TTLL1: variants seen among roughly 807,000 people sequenced by gnomAD.
TTLL1 encodes TTL family tubulin polyglutamylase complex subunit L1, also known as polyglutamylase complex subunit TTLL1.
In TTLL1, 33 loss-of-function variants were observed where a neutral mutation model predicts 47.8. The ratio of observed to expected loss-of-function variants is 0.69; its 90% CI spans 0.52 to 0.92. The LOEUF (loss-of-function observed/expected upper bound fraction) is 0.92, where lower values mean the gene tolerates loss of function less well. Among genes scored for constraint, TTLL1 ranks in the 40% least tolerant of loss-of-function variants. TTLL1 has a pLI of 0.00. For synonymous variants in TTLL1, 225 were observed against 214.1 expected, an observed-to-expected ratio of 1.05 and a Z score of -0.45; for missense variants, 488 against 547.5, an observed-to-expected ratio of 0.89 and a Z score of 1.08.
chr22:43,069,889 T>C (rs1332671684), intron 3 of TTLL1, 45 bp from the exon 4 acceptor site: 7 of 1,607,172 alleles, frequency 4.4e-6, no homozygotes, highest in Non-Finnish European at 2.5e-6. Flanking sequence ...GATGTCTGTG[T>C]GGCAGAAGTC....
chr22:43,069,166 G>T (rs1927938126), intron 4 of TTLL1, among the ~76,000 whole-genome samples: 1 of 149,002 alleles, frequency 6.7e-6, no homozygotes, highest in Non-Finnish European at 1.5e-5. Context: ...CACAAGGTCA[G>T]GAGTTCGAGA....
intron 9 of TTLL1, among the ~76,000 whole-genome samples, chr22:43,046,907 G>A (rs778346689): frequency 6.6e-6 from 1 of 152,050 alleles, no homozygotes; most frequent in East Asian, 1.9e-4. Context: ...CTGACCTCAG[G>A]TGATCCTCCC....
chr22:43,043,269 C>T (rs976944166), intron 10 of TTLL1, among the ~76,000 whole-genome samples: 6 of 152,010 alleles, frequency 3.9e-5, no homozygotes, highest in South Asian at 2.1e-4. Context: ...CGGGAAATGG[C>T]GAGTCTGGCC....
chr22:43,046,721 G>C, intron 9 of TTLL1, 148 bp from the exon 10 acceptor site: 1 of 889,968 alleles, frequency 1.1e-6, no homozygotes, highest in Non-Finnish European at 1.7e-6. Context: ...CCAGGCTGGA[G>C]TGCAGTGGCG....
intron 1 of TTLL1, among the ~76,000 whole-genome samples, chr22:43,085,866 C>T (rs1008379304): frequency 6.6e-6 from 1 of 152,188 alleles, no homozygotes; most frequent in Non-Finnish European, 1.5e-5. Flanking sequence ...ATAGCAACCT[C>T]CTGCGGGGCA....
chr22:43,052,154 C>T, intron 8 of TTLL1: 1 of 458,902 alleles, frequency 2.2e-6, no homozygotes, highest in Non-Finnish European at 4.1e-6. Context: ...GACTAGCACC[C>T]AACCCCTCTG....
At chr22:43,046,242 A>T (rs1016536355) in intron 10 of TTLL1, among the ~76,000 whole-genome samples, 168 bp downstream of exon 10, 1 of 152,040 alleles carries the variant, frequency 6.6e-6, no homozygotes, top group South Asian at 2.1e-4. Context: ...AATAAAATAA[A>T]CAAATTGCTT....
intron 9 of TTLL1, among the ~76,000 whole-genome samples, chr22:43,046,995 T>C (rs1395077347): frequency 6.6e-6 from 1 of 152,156 alleles, no homozygotes; most frequent in African/African-American, 2.4e-5. Context: ...ATTGCTACTA[T>C]CTAATACCGT....
chr22:43,069,119 A>G (rs1008539324), intron 4 of TTLL1, among the ~76,000 whole-genome samples: 2 of 151,076 alleles, frequency 1.3e-5, no homozygotes, highest in Admixed American at 1.3e-4. Flanking sequence ...GCTCACGTCT[A>G]TAATCCCAGC....
At chr22:43,049,781 AAAAAG>A (rs1926455134) in intron 9 of TTLL1, among the ~76,000 whole-genome samples, 1 of 111,548 alleles carries the variant, frequency 9.0e-6, no homozygotes, top group Non-Finnish European at 1.7e-5. Flanking sequence ...ACAGAAAAAA[AAAAAG>A]AAAAGAAAAA....
chr22:43,068,153 A>T (rs1441580282), intron 5 of TTLL1, among the ~76,000 whole-genome samples: 1 of 150,726 alleles, frequency 6.6e-6, no homozygotes, highest in African/African-American at 2.4e-5. Flanking sequence ...AAACTCTATT[A>T]AAAAAATACA....
intron 3 of TTLL1, among the ~76,000 whole-genome samples, chr22:43,072,224 G>A (rs910874460): frequency 1.7e-4 from 25 of 150,844 alleles, no homozygotes; most frequent in African/African-American, 6.1e-4. Context: ...CGTGACCTCG[G>A]CTCACTGCAA....
In TTLL1 at chr22:43,074,485, C is replaced by T. The variant is rs1232675437; in HGVS notation, c.113+989G>A. Among the ~76,000 whole-genome samples, 5 of 151,372 alleles carry T rather than the reference C, an allele frequency of 3.3e-5. No individual in the cohort carries two copies. In the East Asian group the frequency reaches 9.8e-4, roughly 30 times the overall value. On this transcript the variant is annotated intron_variant, in intron 3 of 10. Coordinates refer to ENST00000266254, the MANE Select transcript of TTLL1 (RefSeq NM_012263.5). Reference sequence around the variant, plus strand: ...AAAAAAAAATATATGTATCAATTAGCCAAGACTATTACACTGTTTAGCCTT... The same window carrying T: ...AAAAAAAAATATATGTATCAATTAGTCAAGACTATTACACTGTTTAGCCTT...
intron 5 of TTLL1, among the ~76,000 whole-genome samples, chr22:43,065,965 C>T (rs6003024): frequency 0.093 from 14,158 of 151,664 alleles, 879 homozygotes; most frequent in African/African-American, 0.17. Flanking sequence ...TCAAGACCAG[C>T]CTAACCAACA....
intron 9 of TTLL1, among the ~76,000 whole-genome samples, chr22:43,047,454 A>G (rs1423136896): frequency 1.3e-5 from 2 of 152,172 alleles, no homozygotes; most frequent in East Asian, 3.9e-4. Context: ...AGAGTCCCAC[A>G]GGCCCTCAGT....
intron 3 of TTLL1, among the ~76,000 whole-genome samples, chr22:43,071,843 G>C (rs1928144391): frequency 6.6e-6 from 1 of 152,240 alleles, no homozygotes; most frequent in African/African-American, 2.4e-5. Flanking sequence ...GTCCCAGAAG[G>C]CTTTCTTCAT....
At chr22:43,088,324 CTTTTTTTTTT>C (rs1167618669) in intron 1 of TTLL1, among the ~76,000 whole-genome samples, 18 of 56,488 alleles carry the variant, frequency 3.2e-4, no homozygotes, top group African/African-American at 9.5e-4. Context: ...AAGGGCCCAT[CTTTTTTTTTT>C]TTTTTTTTTT....
chr22:43,056,423 C>T (rs2146969319), intron 8 of TTLL1, among the ~76,000 whole-genome samples: 1 of 148,584 alleles, frequency 6.7e-6, no homozygotes, highest in East Asian at 2.0e-4. Flanking sequence ...ACACTTTCTC[C>T]AGAACAGCAG....
In TTLL1 at chr22:43,046,593, T is replaced by C. The variant is rs5759111; in HGVS notation, c.979-20A>G. 0.52 allele frequency: 832,501 copies of C among 1,609,724 alleles called. 224,191 individuals are homozygous for C. Among genetic ancestry groups the C allele is most frequent in the East Asian group, 0.8 (35,988 of 44,792 alleles). On this transcript the variant is annotated intron_variant, in intron 9 of 10. Coordinates refer to ENST00000266254, the MANE Select transcript of TTLL1 (RefSeq NM_012263.5). Reference sequence around the variant, plus strand: ...ATTCACCTGTGAGATGAAAGACCCATGTTCCTCACCTGTGTCTCTCGCTCT... The same window carrying C: ...ATTCACCTGTGAGATGAAAGACCCACGTTCCTCACCTGTGTCTCTCGCTCT...
Sources: allele counts gnomAD v4.1 joint callset (sites outside exome capture counted in the v4.1 genomes callset), GRCh38; gene constraint gnomAD v4.1.1; transcripts MANE v1.5; gene names NCBI Gene and HGNC (gene_info 2026-07-23, HGNC 2026-07-21).